Variants in SLC41A3 observed in about 807,000 individuals in gnomAD.
SLC41A3 encodes the protein SLC41A1-like 2.
In SLC41A3, 44 loss-of-function variants were observed where a neutral mutation model predicts 45.4. That is an observed-to-expected ratio of 0.97 (90% CI 0.76 to 1.25). SLC41A3 has a LOEUF of 1.25. Ranked by LOEUF, SLC41A3 falls within the 50% of genes most tolerant of loss-of-function variation. The pLI is 0.00. For missense variants in SLC41A3, 550 were observed against 600.6 expected (o/e 0.92, Z 0.88); for synonymous variants, 256 against 252.4 (o/e 1.01, Z -0.13).
chr3:126,058,979 T>C (rs1407861684), intron 2 of SLC41A3, among the ~76,000 whole-genome samples: 2 of 151,738 alleles, frequency 1.3e-5, no homozygotes, highest in African/African-American at 4.8e-5. Flanking sequence ...CCCAACGTAC[T>C]CTCTGAACCT....
intron 1 of SLC41A3, among the ~76,000 whole-genome samples, chr3:126,097,155 C>T (rs149982128): frequency 6.6e-6 from 1 of 152,286 alleles, no homozygotes; most frequent in Non-Finnish European, 1.5e-5. Flanking sequence ...GTGGGTTTTC[C>T]TCATGCCCAG....
chr3:126,081,450 C>T (rs1395534356), intron 1 of SLC41A3, among the ~76,000 whole-genome samples: 1 of 152,154 alleles, frequency 6.6e-6, no homozygotes, highest in East Asian at 1.9e-4. Context: ...AATACAGTGA[C>T]TATAGTTTAC....
chr3:126,087,669 G>A (rs1053529887), upstream of SLC41A3, among the ~76,000 whole-genome samples: 1 of 151,892 alleles, frequency 6.6e-6, no homozygotes, highest in Admixed American at 6.6e-5. Context: ...CTTGTGTAGC[G>A]AATTTTTGTC....
chr3:126,099,081 G>A (rs1945661032), intron 1 of SLC41A3, among the ~76,000 whole-genome samples: 1 of 151,932 alleles, frequency 6.6e-6, no homozygotes, highest in African/African-American at 2.4e-5. Context: ...TTTATGTTAA[G>A]TATGTTTTCT....
intron 3 of SLC41A3, among the ~76,000 whole-genome samples, chr3:126,042,510 C>T (rs1214929574): frequency 6.6e-6 from 1 of 151,824 alleles, no homozygotes; most frequent in African/African-American, 2.4e-5. Context: ...AAAAAGGATA[C>T]CAAAAAAAGT....
At chr3:126,074,697 T>C (rs752057975) in intron 1 of SLC41A3, among the ~76,000 whole-genome samples, 2 of 152,114 alleles carry the variant, frequency 1.3e-5, no homozygotes, top group Non-Finnish European at 2.9e-5. Flanking sequence ...TTTTGTTGTT[T>C]TGAGACAGGC....
In SLC41A3 at chr3:126,031,751, A is replaced by T. The variant is rs551794414; in HGVS notation, c.453+1856T>A. ...TGTGGAAATGCACATCCATATGGAC[A>T]AAGATTTTATGGAAAACAGCAAAGT... On this transcript the variant is annotated intron_variant, in intron 4 of 10. Coordinates refer to ENST00000360370, the MANE Select transcript of SLC41A3 (RefSeq NM_017836.4). Among the ~76,000 whole-genome samples the T allele has an allele frequency of 5.9e-5, 9 of 152,360 alleles. No homozygotes were observed. The East Asian group carries it at 1.5e-3, about 26-fold the overall frequency.
chr3:126,096,375 G>A (rs971682793), intron 1 of SLC41A3, among the ~76,000 whole-genome samples: 1 of 149,156 alleles, frequency 6.7e-6, no homozygotes, highest in African/African-American at 2.6e-5. Flanking sequence ...GGACATGTTG[G>A]GAACAGCCCC....
At chr3:126,011,742 A>C (rs963151068) in intron 9 of SLC41A3, among the ~76,000 whole-genome samples, 1 of 152,236 alleles carries the variant, frequency 6.6e-6, no homozygotes, top group Non-Finnish European at 1.5e-5. Flanking sequence ...ATTTCTCATC[A>C]TAAGTCATGG....
At chr3:126,044,860 C>T (rs1231493718) in intron 3 of SLC41A3, among the ~76,000 whole-genome samples, 1 of 133,332 alleles carries the variant, frequency 7.5e-6, no homozygotes, top group Admixed American at 8.3e-5. Flanking sequence ...GACGCCACTG[C>T]ACTCCAGCCT....
intron 10 of SLC41A3, 31 bp from the exon 11 acceptor site, chr3:126,007,256 G>T (rs778448145): frequency 1.2e-6 from 2 of 1,606,632 alleles, no homozygotes; most frequent in South Asian, 2.2e-5. Context: ...CACAAAAGAA[G>T]ACCAAGTCAG....
In SLC41A3 at chr3:126,007,006, C is replaced by T. The variant is rs368941149; in HGVS notation, c.*10G>A. 2 of 1,614,062 alleles carry T rather than the reference C, an allele frequency of 1.2e-6. No homozygotes were observed. The highest frequency in any genetic ancestry group is 1.7e-5 in the Admixed American group (1 of 60,022). ...AATTCTAATGAGCAAATGGGACCAGCGGGGCCCAGTTAGGGAGGTCCAGAT... is the reference window on the plus strand; with the variant it reads ...AATTCTAATGAGCAAATGGGACCAGTGGGGCCCAGTTAGGGAGGTCCAGAT... On this transcript the variant is annotated 3_prime_UTR_variant, in exon 11 of 11. Coordinates refer to ENST00000360370, the MANE Select transcript of SLC41A3 (RefSeq NM_017836.4).
rs1169397389 is a variant in SLC41A3, at chr3:126,051,041, C to A, written c.283G>T (p.Val95Leu). Reference sequence around the variant, plus strand: ...AAAAGGTCTTTCACCTCCACAAACACAGGCCAGTGCTGGTAGGGAAACAGT... The same window carrying A: ...AAAAGGTCTTTCACCTCCACAAACAAAGGCCAGTGCTGGTAGGGAAACAGT... ...MLLDYFQHWP[V>L]FVEVKDLLTL... Residue 95 changes from valine to leucine, a missense_variant, in exon 3 of 11, where the codon GTG (valine) becomes TTG (leucine). Physicochemically the swap from Val to Leu is conservative, Grantham distance 32. Transcript: ENST00000360370. 1 of 1,605,738 alleles carries A rather than the reference C, an allele frequency of 6.2e-7. No homozygotes were observed. The highest frequency in any genetic ancestry group is 1.1e-5 in the South Asian group (1 of 89,052).
intron 3 of SLC41A3, among the ~76,000 whole-genome samples, chr3:126,044,976 G>A (rs997882751): frequency 7.3e-6 from 1 of 137,072 alleles, no homozygotes; most frequent in African/African-American, 2.8e-5. Flanking sequence ...GAAATCAATA[G>A]AAAGACAACA....
At chr3:126,098,925 CTTTTTTTT>C (rs57262035) in intron 1 of SLC41A3, among the ~76,000 whole-genome samples, 28 of 109,626 alleles carry the variant, frequency 2.6e-4, no homozygotes, top group South Asian at 5.9e-4. Flanking sequence ...CATGACCTGG[CTTTTTTTT>C]TTTTTTTTTT....
chr3:126,081,579 C>T (rs974000915), intron 1 of SLC41A3, among the ~76,000 whole-genome samples: 6 of 152,178 alleles, frequency 3.9e-5, no homozygotes, highest in African/African-American at 4.8e-5. Context: ...GTTACATGAA[C>T]GTGTTAAATT....
At chr3:126,067,800 G>T (rs564690334) in intron 2 of SLC41A3, 147 bp downstream of exon 2, 1 of 977,706 alleles carries the variant, frequency 1.0e-6, no homozygotes, top group Non-Finnish European at 1.5e-6. Flanking sequence ...GAGACTAAAA[G>T]AATCTTGCCC....
chr3:126,032,172 G>A (rs978024027), intron 4 of SLC41A3, among the ~76,000 whole-genome samples: 63 of 152,290 alleles, frequency 4.1e-4, no homozygotes, highest in African/African-American at 2.2e-4. Flanking sequence ...GTAAGACAGC[G>A]CGGCCAGGCC....
intron 3 of SLC41A3, among the ~76,000 whole-genome samples, chr3:126,042,232 G>C (rs1351460614): frequency 6.6e-6 from 1 of 152,082 alleles, no homozygotes; most frequent in African/African-American, 2.4e-5. Flanking sequence ...ATGGACAGAG[G>C]AACACAATAG....
Sources: allele counts gnomAD v4.1 joint callset (sites outside exome capture counted in the v4.1 genomes callset), GRCh38; gene constraint gnomAD v4.1.1; transcripts MANE v1.5; gene names NCBI Gene and HGNC (gene_info 2026-07-23, HGNC 2026-07-21).